The following EYS variants were observed in gnomAD, a reference collection of about 807,000 sequenced individuals.
The protein encoded by EYS is EGF-like photoreceptor maintenance factor, also known as protein eyes shut homolog.
A neutral mutation model predicts 282.1 loss-of-function variants in EYS; 250 were observed. That is an observed-to-expected ratio of 0.89 (90% CI 0.80 to 0.98). EYS has a LOEUF of 0.98. Among genes scored for constraint, EYS ranks in the 50% least tolerant of loss-of-function variants. EYS has a pLI of 0.00. For missense variants in EYS, 4,016 were observed against 3,709.0 expected (o/e 1.08, Z -2.15); for synonymous variants, 1,355 against 1,282.9 (o/e 1.06, Z -1.20).
At chr6:63,862,112 A>C (rs1483073225) in intron 36 of EYS, among the ~76,000 whole-genome samples, 2 of 152,038 alleles carry the variant, frequency 1.3e-5, no homozygotes, top group Non-Finnish European at 2.9e-5. Context: ...CTCAGTACAA[A>C]TATCTCCTCC....
At chr6:64,045,649 G>C (rs1446735941) in intron 33 of EYS, among the ~76,000 whole-genome samples, 1 of 150,620 alleles carries the variant, frequency 6.6e-6, no homozygotes, top group Non-Finnish European at 1.5e-5. Context: ...GTTTCACCAT[G>C]TTGGCCAGTC....
intron 8 of EYS, among the ~76,000 whole-genome samples, chr6:65,364,487 GAT>G (rs1172191276): frequency 1.3e-5 from 2 of 150,938 alleles, no homozygotes; most frequent in East Asian, 3.9e-4. Context: ...ATGCACTTCA[GAT>G]ATGTTTTAAT....
chr6:64,811,007 A>G (rs1050083725), intron 22 of EYS, among the ~76,000 whole-genome samples: 6 of 152,108 alleles, frequency 3.9e-5, no homozygotes, highest in Admixed American at 1.3e-4. Flanking sequence ...TTCTTTAAAT[A>G]TCAAATAATA....
chr6:63,871,055 T>C (rs1772790047), intron 35 of EYS, among the ~76,000 whole-genome samples: 2 of 152,152 alleles, frequency 1.3e-5, no homozygotes, highest in Admixed American at 6.5e-5. Context: ...ACTTCCACAT[T>C]ATCTCTTCCA....
At chr6:64,016,111 A>C (rs543081975) in intron 33 of EYS, among the ~76,000 whole-genome samples, 1 of 152,156 alleles carries the variant, frequency 6.6e-6, no homozygotes, top group Non-Finnish European at 1.5e-5. Context: ...TATTAAAAGC[A>C]ATGCAACCAA....
At chr6:65,493,419 T>G (rs534193236) in intron 4 of EYS, among the ~76,000 whole-genome samples, 1 of 152,344 alleles carries the variant, frequency 6.6e-6, no homozygotes, top group Non-Finnish European at 1.5e-5. Context: ...TGTTTTCGTA[T>G]ACTATTATTA....
At chr6:65,610,563 C>T (rs1765963175) in intron 2 of EYS, among the ~76,000 whole-genome samples, 1 of 152,044 alleles carries the variant, frequency 6.6e-6, no homozygotes, top group South Asian at 2.1e-4. Flanking sequence ...GCCATAACTA[C>T]AGGGGAACAT....
chr6:64,688,850 C>G (rs961331320), intron 22 of EYS, among the ~76,000 whole-genome samples: 43 of 151,848 alleles, frequency 2.8e-4, no homozygotes, highest in African/African-American at 1.0e-3. Flanking sequence ...TATGACAAAC[C>G]CACAGCCAAT....
At chr6:65,382,481 G>GTGTA (rs1562139237) in intron 8 of EYS, among the ~76,000 whole-genome samples, 5 of 151,270 alleles carry the variant, frequency 3.3e-5, no homozygotes, top group African/African-American at 1.2e-4. Flanking sequence ...GTGTGTGTGT[G>GTGTA]TGTGTGTGTG....
chr6:64,950,835 T>TATA (rs1562272809), intron 14 of EYS, among the ~76,000 whole-genome samples: 1,038 of 49,678 alleles, frequency 0.021, 27 homozygotes, highest in South Asian at 0.026. Flanking sequence ...ATATATATAT[T>TATA]GTTGAATTGT....
intron 36 of EYS, chr6:63,822,510 G>C (rs969645891): frequency 6.6e-6 from 1 of 152,222 alleles, no homozygotes; most frequent in African/African-American, 2.4e-5. Flanking sequence ...ATCCAGGAAT[G>C]ACCATGTCTG....
intron 35 of EYS, among the ~76,000 whole-genome samples, chr6:63,972,579 T>C (rs1766629875): frequency 6.6e-6 from 1 of 152,198 alleles, no homozygotes; most frequent in African/African-American, 2.4e-5. Context: ...CCTGGATACA[T>C]GTGCAGAACG....
intron 32 of EYS, among the ~76,000 whole-genome samples, chr6:64,079,179 T>C (rs1771874462): frequency 6.6e-6 from 1 of 152,128 alleles, no homozygotes; most frequent in East Asian, 1.9e-4. Context: ...TTAGATTTTG[T>C]ATAAAAAACA....
chr6:64,939,360 T>C (rs1769014248), intron 15 of EYS, among the ~76,000 whole-genome samples: 2 of 151,820 alleles, frequency 1.3e-5, no homozygotes, highest in Admixed American at 1.3e-4. Context: ...TTGTCTTAAT[T>C]TAGGTAACAA....
intron 28 of EYS, among the ~76,000 whole-genome samples, chr6:64,410,902 A>G (rs1382128637): frequency 6.6e-6 from 1 of 152,164 alleles, no homozygotes; most frequent in Non-Finnish European, 1.5e-5. Flanking sequence ...ATGCTGAGTG[A>G]AAAACATTAG....
intron 31 of EYS, among the ~76,000 whole-genome samples, chr6:64,189,673 A>C (rs1045309233): frequency 6.6e-6 from 1 of 152,156 alleles, no homozygotes; most frequent in Non-Finnish European, 1.5e-5. Context: ...CAAAGGCCTT[A>C]ATAAGAAAAG....
At chr6:64,554,173 A>T (rs1765172670) in intron 26 of EYS, among the ~76,000 whole-genome samples, 1 of 152,136 alleles carries the variant, frequency 6.6e-6, no homozygotes, top group Non-Finnish European at 1.5e-5. Flanking sequence ...CAACTTTCAA[A>T]TGGCTATAGT....
chr6:65,179,927 A>G (rs551685617), intron 12 of EYS, among the ~76,000 whole-genome samples: 15 of 152,270 alleles, frequency 9.9e-5, no homozygotes, highest in African/African-American at 3.4e-4. Flanking sequence ...AATGTAATCC[A>G]GCATATAAAC....
rs548516837 is a variant in EYS, at chr6:64,607,359, A to G, written c.3684+10059T>C. Among the ~76,000 whole-genome samples, 272 of 152,188 alleles carry G rather than the reference A, an allele frequency of 1.8e-3. 2 individuals are homozygous for G. Among genetic ancestry groups the G allele is most frequent in the African/African-American group, 6.1e-3 (255 of 41,552 alleles). On this transcript the variant is annotated intron_variant, in intron 24 of 42. Coordinates refer to ENST00000503581, the MANE Select transcript of EYS (RefSeq NM_001142800.2). ...TCAGGCTACTGCAAAAAAAGATACC[A>G]TAAACTGGTTGACTTATAAATAACA... is the stretch of plus-strand genomic sequence containing the variant.
Sources: gnomAD v4.1 joint callset for allele counts (sites outside exome capture counted in the v4.1 genomes callset) on GRCh38, gnomAD v4.1.1 for gene constraint, MANE v1.5 for transcripts, NCBI Gene and HGNC (gene_info 2026-07-23, HGNC 2026-07-21) for gene names.